Variants in CNTN5 observed in about 807,000 individuals in gnomAD.
The protein encoded by CNTN5 is contactin-5.
CNTN5 carries 77 observed loss-of-function variants against 129.1 expected under a neutral mutation model. That is an observed-to-expected ratio of 0.60 (90% confidence interval 0.50 to 0.72). The LOEUF is 0.72. CNTN5 is among the 30% of genes least tolerant of loss of function. The pLI, the probability that CNTN5 is intolerant of heterozygous loss-of-function variation, is 0.00. For synonymous variants in CNTN5, 509 were observed against 465.6 expected (o/e 1.09, Z -1.20); for missense variants, 1,478 against 1,328.8 (o/e 1.11, Z -1.75).
intron 3 of CNTN5, among the ~76,000 whole-genome samples, chr11:99,602,943 T>A (rs1437077919): frequency 1.0e-5 from 1 of 99,966 alleles, no homozygotes; most frequent in African/African-American, 4.0e-5. Flanking sequence ...CGAAAACCCA[T>A]CTGTACATCA....
intron 6 of CNTN5, among the ~76,000 whole-genome samples, chr11:99,911,208 A>C (rs1420020493): frequency 6.6e-6 from 1 of 152,028 alleles, no homozygotes; most frequent in African/African-American, 2.4e-5. Context: ...AAAATTTTAA[A>C]ATTTGCATTA....
intron 16 of CNTN5, among the ~76,000 whole-genome samples, chr11:100,235,487 G>A (rs1450145089): frequency 1.3e-5 from 2 of 152,292 alleles, no homozygotes; most frequent in Middle Eastern, 3.4e-3. Context: ...TAAGGTAGAT[G>A]ATGGTTCTTC....
At position 99,895,831 on chromosome 11, in the gene CNTN5, G is replaced by A. The variant is rs1017612047; in HGVS notation, c.578-20223G>A. On this transcript the variant is annotated intron_variant, in intron 6 of 24. Transcript: ENST00000524871. ...CAAGCTTTTGGTTTTCTAGCAGCCCGGTTCCAGCAGCCACTGCCCCACTGA... is the reference window on the plus strand; with the variant it reads ...CAAGCTTTTGGTTTTCTAGCAGCCCAGTTCCAGCAGCCACTGCCCCACTGA... Among the ~76,000 whole-genome samples, 13 of 152,106 alleles carry A rather than the reference G, an allele frequency of 8.5e-5. 1 individual carries two copies. In the East Asian group the frequency reaches 1.4e-3, roughly 16 times the overall value.
intron 3 of CNTN5, among the ~76,000 whole-genome samples, chr11:99,608,997 C>T (rs1472341793): frequency 6.6e-6 from 1 of 152,154 alleles, no homozygotes; most frequent in Non-Finnish European, 1.5e-5. Context: ...ATATGCACCC[C>T]ATTTTCTTAA....
chr11:99,522,487 A>T (rs1365393141), intron 2 of CNTN5, among the ~76,000 whole-genome samples: 1 of 152,150 alleles, frequency 6.6e-6, no homozygotes, highest in Non-Finnish European at 1.5e-5. Flanking sequence ...GTATTCTAGG[A>T]AAGTTTTATC....
chr11:99,074,619 G>T (rs1470487075), intron 1 of CNTN5, among the ~76,000 whole-genome samples: 1 of 152,118 alleles, frequency 6.6e-6, no homozygotes, highest in Non-Finnish European at 1.5e-5. Flanking sequence ...TTACAGACGT[G>T]AGCCACTGCG....
At chr11:99,243,835 T>G (rs1565432421) in intron 1 of CNTN5, among the ~76,000 whole-genome samples, 1 of 151,714 alleles carries the variant, frequency 6.6e-6, no homozygotes, top group Non-Finnish European at 1.5e-5. Flanking sequence ...CTTTTTTTCT[T>G]TTGCCAGTAC....
chr11:99,808,711 C>A (rs1266471107), intron 3 of CNTN5, among the ~76,000 whole-genome samples: 3 of 152,140 alleles, frequency 2.0e-5, no homozygotes, highest in East Asian at 1.9e-4. Context: ...TATCCATATT[C>A]CCATTTGTGA....
intron 9 of CNTN5, among the ~76,000 whole-genome samples, chr11:100,034,348 A>G (rs1290613425): frequency 1.3e-5 from 2 of 152,230 alleles, no homozygotes; most frequent in Admixed American, 6.5e-5. Flanking sequence ...CCAAGAAACT[A>G]AAGTTGCTAT....
chr11:99,100,381 C>A (rs1866668697), intron 1 of CNTN5, among the ~76,000 whole-genome samples: 1 of 152,082 alleles, frequency 6.6e-6, no homozygotes, highest in Non-Finnish European at 1.5e-5. Flanking sequence ...CTTGATCTAA[C>A]ATAAAACTTA....
chr11:100,178,641 A>G (rs962049706), intron 13 of CNTN5, among the ~76,000 whole-genome samples: 3 of 152,188 alleles, frequency 2.0e-5, no homozygotes, highest in African/African-American at 7.2e-5. Context: ...TTTTTCTTCC[A>G]CACACATAGT....
At chr11:99,249,794 T>G (rs1862008360) in intron 1 of CNTN5, among the ~76,000 whole-genome samples, 1 of 151,980 alleles carries the variant, frequency 6.6e-6, no homozygotes, top group South Asian at 2.1e-4. Flanking sequence ...TATTCAACTT[T>G]TTAAATAAAT....
At chr11:99,461,493 A>T (rs994656800) in intron 2 of CNTN5, among the ~76,000 whole-genome samples, 7 of 152,172 alleles carry the variant, frequency 4.6e-5, no homozygotes, top group African/African-American at 1.7e-4. Flanking sequence ...ACCTAAAAAA[A>T]ATCTGTAGAA....
intron 13 of CNTN5, among the ~76,000 whole-genome samples, chr11:100,157,053 C>T (rs1947268662): frequency 6.6e-6 from 1 of 151,868 alleles, no homozygotes. Context: ...TTTGTTTGCT[C>T]TTGCTTCTCT....
intron 2 of CNTN5, among the ~76,000 whole-genome samples, chr11:99,354,281 C>T (rs1248110230): frequency 6.6e-6 from 1 of 152,064 alleles, no homozygotes; most frequent in Non-Finnish European, 1.5e-5. Flanking sequence ...ATTAATACAC[C>T]TGTGAAATAT....
intron 9 of CNTN5, among the ~76,000 whole-genome samples, chr11:100,045,099 G>A (rs1251098826): frequency 6.7e-6 from 1 of 149,566 alleles, no homozygotes; most frequent in Non-Finnish European, 1.5e-5. Flanking sequence ...CTAACCCAAA[G>A]CCTTGTCTTC....
At chr11:99,663,778 G>A (rs548845641) in intron 3 of CNTN5, among the ~76,000 whole-genome samples, 23 of 152,170 alleles carry the variant, frequency 1.5e-4, no homozygotes, top group Middle Eastern at 3.4e-3. Flanking sequence ...AGTTTCCTGA[G>A]GCCTTCCTGG....
intron 6 of CNTN5, among the ~76,000 whole-genome samples, chr11:99,858,345 T>G (rs556932516): frequency 6.6e-6 from 1 of 152,224 alleles, no homozygotes; most frequent in Non-Finnish European, 1.5e-5. Context: ...ATTACAGACT[T>G]ATTTAAATTA....
intron 17 of CNTN5, among the ~76,000 whole-genome samples, chr11:100,265,416 GC>G (rs1267233932): frequency 6.6e-6 from 1 of 152,152 alleles, no homozygotes; most frequent in East Asian, 1.9e-4. Flanking sequence ...TTTCTTTCAT[GC>G]CTGTGATGGG....
Sources: gnomAD v4.1 joint callset for allele counts (sites outside exome capture counted in the v4.1 genomes callset) on GRCh38, gnomAD v4.1.1 for gene constraint, MANE v1.5 for transcripts, NCBI Gene and HGNC (gene_info 2026-07-23, HGNC 2026-07-21) for gene names.